The following KATNBL1 variants were observed in gnomAD, a reference collection of about 807,000 sequenced individuals.
The protein encoded by KATNBL1 is katanin regulatory subunit B1 like 1.
KATNBL1 carries 28 observed loss-of-function variants against 44.7 expected under a neutral mutation model. The ratio of observed to expected loss-of-function variants is 0.63; its 90% confidence interval spans 0.46 to 0.86. The LOEUF (loss-of-function observed/expected upper bound fraction) is 0.86, where lower values mean the gene tolerates loss of function less well. Ranked by LOEUF, KATNBL1 falls within the 40% of genes least tolerant of loss-of-function variation. KATNBL1 has a pLI of 0.00. For synonymous variants in KATNBL1, 78 were observed against 114.9 expected (o/e 0.68, Z 2.06); for missense variants, 272 against 350.7 (o/e 0.78, Z 1.79).
chr15:34,192,859 T>C (rs1889915479), intron 1 of KATNBL1, among the ~76,000 whole-genome samples: 1 of 152,196 alleles, frequency 6.6e-6, no homozygotes. Context: ...TCAACAGTAT[T>C]AAACGTTTTT....
chr15:34,167,671 G>C (rs976367631), intron 1 of KATNBL1, among the ~76,000 whole-genome samples: 1 of 152,078 alleles, frequency 6.6e-6, no homozygotes, highest in African/African-American at 2.4e-5. Context: ...GAAATGAAGG[G>C]AAAAATGTTA....
intron 3 of KATNBL1, 66 bp from the exon 4 acceptor site, chr15:34,153,135 C>T: frequency 8.5e-7 from 1 of 1,175,078 alleles, no homozygotes; most frequent in South Asian, 1.6e-5. Flanking sequence ...AGTTTTTAAA[C>T]AGAGAATTAA....
At chr15:34,183,339 C>A (rs376800705) in intron 1 of KATNBL1, among the ~76,000 whole-genome samples, 2 of 152,274 alleles carry the variant, frequency 1.3e-5, no homozygotes, top group African/African-American at 4.8e-5. Context: ...CCAGGCTCCT[C>A]CTGCCCCTCC....
chr15:34,165,720 G>A (rs1015096460), intron 1 of KATNBL1, among the ~76,000 whole-genome samples: 20 of 152,170 alleles, frequency 1.3e-4, no homozygotes, highest in African/African-American at 4.6e-4. Flanking sequence ...CTTGAACCCG[G>A]GAGGCTGAGG....
intron 1 of KATNBL1, among the ~76,000 whole-genome samples, chr15:34,195,817 A>G (rs1370895336): frequency 6.6e-6 from 1 of 152,192 alleles, no homozygotes; most frequent in Non-Finnish European, 1.5e-5. Context: ...AAGCAATTCT[A>G]TTTTGTGGAA....
intron 4 of KATNBL1, among the ~76,000 whole-genome samples, chr15:34,152,379 T>C (rs1010888870): frequency 7.9e-5 from 12 of 152,130 alleles, no homozygotes; most frequent in African/African-American, 2.9e-4. Context: ...AATTTTTGTA[T>C]TTTTAGTAGA....
intron 9 of KATNBL1, among the ~76,000 whole-genome samples, chr15:34,144,058 T>C (rs988115653): frequency 7.8e-5 from 11 of 141,774 alleles, no homozygotes; most frequent in Non-Finnish European, 1.4e-4. Context: ...CTTCTTTTTT[T>C]TGAAGGTATC....
At chr15:34,198,239 T>G (rs547158570) in intron 1 of KATNBL1, 1 of 152,218 alleles carries the variant, frequency 6.6e-6, no homozygotes, top group Non-Finnish European at 1.5e-5. Context: ...AGCTACATCA[T>G]AGCATGTAAT....
chr15:34,167,641 T>C (rs1376966654), intron 1 of KATNBL1, among the ~76,000 whole-genome samples: 2 of 152,050 alleles, frequency 1.3e-5, no homozygotes, highest in Non-Finnish European at 2.9e-5. Flanking sequence ...AGACACTTAA[T>C]TGTCAGACTC....
intron 9 of KATNBL1, 88 bp from the exon 10 acceptor site, chr15:34,142,459 G>A (rs1888177833): frequency 1.4e-6 from 2 of 1,415,282 alleles, no homozygotes; most frequent in African/African-American, 2.9e-5. Flanking sequence ...TGCTTAATTT[G>A]CCTTAGTTTC....
chr15:34,184,576 C>CTTTTTTTTTTTTTTTTT (rs71119942), intron 1 of KATNBL1, among the ~76,000 whole-genome samples: 6 of 95,258 alleles, frequency 6.3e-5, no homozygotes, highest in African/African-American at 7.8e-5. Context: ...CCTAATGTTT[C>CTTTTTTTTTTTTTTTTT]TTTTTTTTTT....
At chr15:34,181,994 C>A (rs1978810) in intron 1 of KATNBL1, among the ~76,000 whole-genome samples, 1 of 149,790 alleles carries the variant, frequency 6.7e-6, no homozygotes, top group African/African-American at 2.5e-5. Flanking sequence ...TACCATATGC[C>A]AGGTGTAGGC....
chr15:34,208,016 T>C (rs1890339366), intron 1 of KATNBL1, among the ~76,000 whole-genome samples: 1 of 152,238 alleles, frequency 6.6e-6, no homozygotes, highest in Non-Finnish European at 1.5e-5. Context: ...TCATATATAT[T>C]TTTTGTTGTT....
At chr15:34,152,693 T>A in intron 4 of KATNBL1, 97 bp downstream of exon 4, 1 of 979,394 alleles carries the variant, frequency 1.0e-6, no homozygotes, top group Admixed American at 2.4e-5. Context: ...ATTCAATAGG[T>A]GACAAATTAT....
intron 9 of KATNBL1, among the ~76,000 whole-genome samples, chr15:34,144,214 A>G (rs1351335279): frequency 1.3e-5 from 2 of 151,818 alleles, no homozygotes; most frequent in African/African-American, 4.8e-5. Context: ...CCTCAGCTAC[A>G]TTAATTCCCT....
chr15:34,175,208 C>T (rs557351646), intron 1 of KATNBL1, among the ~76,000 whole-genome samples: 1 of 151,566 alleles, frequency 6.6e-6, no homozygotes, highest in South Asian at 2.1e-4. Context: ...TACCTGAAAT[C>T]ATGAAATGCT....
At chr15:34,176,105 T>C (rs571908062) in intron 1 of KATNBL1, among the ~76,000 whole-genome samples, 2 of 152,230 alleles carry the variant, frequency 1.3e-5, no homozygotes, top group Admixed American at 6.5e-5. Context: ...CCAGGCGTGG[T>C]GGCTCACGCC....
At chr15:34,198,096 A>T (rs1398553860) in intron 1 of KATNBL1, among the ~76,000 whole-genome samples, 1 of 152,218 alleles carries the variant, frequency 6.6e-6, no homozygotes, top group African/African-American at 2.4e-5. Context: ...ATACGCTAAT[A>T]GGAACTGATA....
rs531289434 is a variant in KATNBL1, at chr15:34,156,215, G to T, written c.118-1531C>A. 3.9e-5 allele frequency among the ~76,000 whole-genome samples: 6 copies of T among 152,326 alleles called. No homozygotes were observed. The East Asian group carries it at 1.2e-3, about 29-fold the overall frequency. On this transcript the variant is annotated intron_variant, in intron 2 of 9. Transcript: ENST00000256544. ...GGATGCTAAGTTTCCTCTTTGTCGTGAGAGACACAAAATGAACTCAGTGTC... is the reference window on the plus strand; with the variant it reads ...GGATGCTAAGTTTCCTCTTTGTCGTTAGAGACACAAAATGAACTCAGTGTC...
Sources: allele counts gnomAD v4.1 joint callset (sites outside exome capture counted in the v4.1 genomes callset), GRCh38; gene constraint gnomAD v4.1.1; transcripts MANE v1.5; gene names NCBI Gene and HGNC (gene_info 2026-07-23, HGNC 2026-07-21).